Variants in CHM observed in about 807,000 individuals in gnomAD.
The protein encoded by CHM is CHM Rab escort protein.
In CHM, 10 loss-of-function variants were observed where a neutral mutation model predicts 49.0. The ratio of observed to expected loss-of-function variants is 0.20; its 90% CI spans 0.13 to 0.35. CHM has a LOEUF of 0.35. Ranked by LOEUF, CHM falls within the 10% of genes least tolerant of loss-of-function variation. The probability of loss-of-function intolerance (pLI) is 1.00; values close to 1 mark genes in which losing one functional copy is unlikely to be tolerated. For synonymous variants in CHM, 184 were observed against 167.5 expected (o/e 1.10, Z -0.76); for missense variants, 455 against 478.4 (o/e 0.95, Z 0.46).
At chrX:85,986,634 G>A (rs1603271366) in intron 2 of CHM, among the ~76,000 whole-genome samples, 1 of 111,847 alleles carries the variant, frequency 8.9e-6, no homozygotes, top group African/African-American at 3.3e-5. Flanking sequence ...CGAAGCCTCG[G>A]TCCTGTGAAA....
rs930535964 is a variant in CHM at position 85,882,714 on chromosome X, T to C, written c.1511-3651A>G. ...CAAAACTAGAAATAACAACACACTTTCAGTTCTCCAAAACTGCCTTTGGAA... is the reference window on the plus strand; with the variant it reads ...CAAAACTAGAAATAACAACACACTTCCAGTTCTCCAAAACTGCCTTTGGAA... On this transcript the variant is annotated intron_variant, in intron 12 of 14. Transcript: ENST00000357749. Among the ~76,000 whole-genome samples, 27 of 111,913 alleles carry C rather than the reference T, an allele frequency of 2.4e-4. No individual in the cohort carries two copies. The Admixed American group carries it at 2.6e-3, about 11-fold the overall frequency.
chrX:85,883,914 A>G (rs1239987226), intron 12 of CHM, among the ~76,000 whole-genome samples: 1 of 111,007 alleles, frequency 9.0e-6, no homozygotes, highest in African/African-American at 3.3e-5. Flanking sequence ...ATTAGTATGT[A>G]CGAAAAAAAT....
intron 14 of CHM, among the ~76,000 whole-genome samples, chrX:85,867,322 C>A (rs1603231996): frequency 1.8e-5 from 2 of 111,509 alleles, no homozygotes; most frequent in African/African-American, 6.5e-5. Context: ...CCTTGCTTCC[C>A]CTTTGCCTTC....
At chrX:85,892,556 A>C (rs1925546910) in intron 12 of CHM, among the ~76,000 whole-genome samples, 1 of 109,632 alleles carries the variant, frequency 9.1e-6, no homozygotes, top group African/African-American at 3.3e-5. Context: ...TGATTCTGAG[A>C]CCTCCCTAGC....
chrX:86,002,124 T>C, intron 2 of CHM, among the ~76,000 whole-genome samples: 1 of 111,885 alleles, frequency 8.9e-6, no homozygotes, highest in Non-Finnish European at 1.9e-5. Context: ...GCAAAGATGA[T>C]ATATGCCACT....
Position 85,963,806 on chromosome X carries a change from A to C in CHM, c.561T>G (p.Cys187Trp). ...EKENHCDDKTCVPSTSAEDMS... is the reference protein window; with the variant it reads ...EKENHCDDKTWVPSTSAEDMS... ...TGTCTTCTGCTGAAGTTGATGGCAC[A>C]CAAGTTTTATCATCACAATGGTTTT... The change falls in exon 5 of 15, where the codon TGT (cysteine) becomes TGG (tryptophan). Residue 187 changes from cysteine (C) to tryptophan (W), a missense_variant. Cys to Trp is a radical substitution (Grantham distance 215). Coordinates refer to ENST00000357749, the MANE Select transcript of CHM (RefSeq NM_000390.4). 1 of 1,211,918 alleles carries C rather than the reference A, an allele frequency of 8.3e-7. No individual in the cohort carries two copies. Among genetic ancestry groups the C allele is most frequent in the Non-Finnish European group, 1.1e-6 (1 of 895,571 alleles).
intron 4 of CHM, chrX:85,969,101 TG>T: frequency 1.5e-6 from 1 of 687,993 alleles, no homozygotes; most frequent in Non-Finnish European, 1.7e-6. Flanking sequence ...AGATTCCTAT[TG>T]CAAAAAAATC....
At chrX:86,010,601 G>C (rs1933034039) in intron 2 of CHM, among the ~76,000 whole-genome samples, 1 of 110,953 alleles carries the variant, frequency 9.0e-6, no homozygotes, top group Admixed American at 9.6e-5. Context: ...GTATATACCA[G>C]GCAGATGCTC....
rs181064837 is a variant in CHM at position 85,961,815 on chromosome X, G to A, written c.702+1850C>T. Among the ~76,000 whole-genome samples, 15 of 111,247 alleles carry A rather than the reference G, an allele frequency of 1.3e-4. No individual in the cohort carries two copies. The East Asian group carries it at 4.0e-3, about 29-fold the overall frequency. On this transcript the variant is annotated intron_variant, in intron 5 of 14. Coordinates refer to ENST00000357749, the MANE Select transcript of CHM (RefSeq NM_000390.4). ...CATGTTTGGTTTTTACTTACCATAA[G>A]AGAACTGGTTATTACTAACCATTCA...
chrX:85,955,280 G>A (rs757700095), intron 8 of CHM, among the ~76,000 whole-genome samples: 9 of 111,955 alleles, frequency 8.0e-5, no homozygotes, highest in South Asian at 3.7e-4. Context: ...GGATAAATGT[G>A]TGAAGGGATG....
chrX:86,005,926 A>G (rs762305938), intron 2 of CHM, among the ~76,000 whole-genome samples: 2 of 111,999 alleles, frequency 1.8e-5, no homozygotes, highest in South Asian at 7.5e-4. Flanking sequence ...GGCCAACATC[A>G]TCCTGATACC....
chrX:85,922,036 CAT>C (rs1362491873), intron 8 of CHM, among the ~76,000 whole-genome samples: 2 of 112,053 alleles, frequency 1.8e-5, no homozygotes, highest in African/African-American at 6.5e-5. Flanking sequence ...TATTTACACA[CAT>C]ATGCATGAAC....
chrX:85,876,968 A>C (rs111685133), intron 13 of CHM, among the ~76,000 whole-genome samples: 40 of 111,115 alleles, frequency 3.6e-4, no homozygotes, highest in Non-Finnish European at 7.2e-4. Flanking sequence ...TACACAATGA[A>C]ATTACAATAT....
At chrX:85,932,385 C>T (rs2148195774) in intron 8 of CHM, among the ~76,000 whole-genome samples, 1 of 111,939 alleles carries the variant, frequency 8.9e-6, no homozygotes, top group African/African-American at 3.2e-5. Flanking sequence ...ATACCATTTC[C>T]AAAGTTTACA....
At chrX:86,000,513 C>CAAAAAAA (rs754600557) in intron 2 of CHM, among the ~76,000 whole-genome samples, 1 of 58,864 alleles carries the variant, frequency 1.7e-5, no homozygotes, top group African/African-American at 6.4e-5. Context: ...GGAATATATT[C>CAAAAAAA]AAAAAAAAAA....
chrX:86,018,365 C>CA (rs1286318101), intron 2 of CHM, among the ~76,000 whole-genome samples: 4 of 111,578 alleles, frequency 3.6e-5, no homozygotes, highest in South Asian at 3.7e-4. Context: ...ACCAAAAATA[C>CA]AAAAAAAGGT....
intron 8 of CHM, among the ~76,000 whole-genome samples, chrX:85,911,945 C>A (rs999683887): frequency 1.8e-5 from 2 of 110,403 alleles, no homozygotes; most frequent in South Asian, 7.7e-4. Flanking sequence ...CCAAACAAGG[C>A]AGTAAGTAGG....
At chrX:85,954,304 G>A (rs1929899925) in intron 8 of CHM, among the ~76,000 whole-genome samples, 1 of 111,924 alleles carries the variant, frequency 8.9e-6, no homozygotes, top group Non-Finnish European at 1.9e-5. Context: ...GGAGAAAAGG[G>A]AACCCTTGAA....
In CHM at chrX:85,878,965, C is replaced by T; in HGVS notation, c.1609G>A (p.Glu537Lys). 1 of 1,140,837 alleles carries T rather than the reference C, an allele frequency of 8.8e-7. No homozygotes were observed. The highest frequency in any genetic ancestry group is 1.2e-6 in the Non-Finnish European group (1 of 833,685). The allele number at this position is 1,140,837 out of a possible 1,213,427, so 94.0% of individuals were successfully genotyped here. ...ATGAGTTATCAATTATTTTTCTTAC[C>T]TATCTCCATTTCAGTATATGGAACA... ...LFVPYTEMEI[E>K]NEQVEKPRIL... The change falls in exon 13 of 15, where the codon GAA becomes AAA. Residue 537 changes from glutamate (E) to lysine (K), a missense_variant and splice_region_variant. By Grantham distance (56) the Glu-to-Lys change is moderately conservative. Coordinates refer to ENST00000357749, the MANE Select transcript of CHM (RefSeq NM_000390.4).
Sources: allele counts gnomAD v4.1 joint callset (sites outside exome capture counted in the v4.1 genomes callset), GRCh38; gene constraint gnomAD v4.1.1; transcripts MANE v1.5; gene names NCBI Gene and HGNC (gene_info 2026-07-23, HGNC 2026-07-21).